SNX4: variants seen among roughly 807,000 people sequenced by gnomAD.
The protein encoded by SNX4 is sorting nexin-4.
In SNX4, 49 loss-of-function variants were observed where a neutral mutation model predicts 70.8. The ratio of observed to expected loss-of-function variants is 0.69; its 90% CI spans 0.55 to 0.88. The LOEUF (loss-of-function observed/expected upper bound fraction) is 0.88, where lower values mean the gene tolerates loss of function less well. Ranked by LOEUF, SNX4 falls within the 40% of genes least tolerant of loss-of-function variation. The pLI is 0.00. For missense variants in SNX4, 528 were observed against 544.8 expected, an observed-to-expected ratio of 0.97 and a Z score of 0.31; for synonymous variants, 206 against 183.8, an observed-to-expected ratio of 1.12 and a Z score of -0.98.
At chr3:125,501,896 G>A (rs928411718) in intron 2 of SNX4, among the ~76,000 whole-genome samples, 4 of 152,086 alleles carry the variant, frequency 2.6e-5, no homozygotes, top group African/African-American at 4.8e-5. Flanking sequence ...ACTGATGTAT[G>A]GTCACTTCTA....
At chr3:125,503,775 A>C (rs1299339239) in intron 2 of SNX4, among the ~76,000 whole-genome samples, 1 of 152,196 alleles carries the variant, frequency 6.6e-6, no homozygotes, top group Admixed American at 6.5e-5. Flanking sequence ...TATTTGATAC[A>C]TGTTATTTAT....
intron 12 of SNX4, among the ~76,000 whole-genome samples, chr3:125,452,995 C>A (rs1394961974): frequency 6.6e-6 from 1 of 152,080 alleles, no homozygotes; most frequent in East Asian, 1.9e-4. Context: ...ACCTCAAAAC[C>A]CAAAATACAC....
intron 5 of SNX4, among the ~76,000 whole-genome samples, chr3:125,494,669 G>A (rs983540644): frequency 6.6e-5 from 10 of 152,118 alleles, no homozygotes; most frequent in Admixed American, 3.9e-4. Flanking sequence ...TGGGATGTAC[G>A]TCTGGGATGA....
At chr3:125,513,030 A>AC (rs1935201941) in intron 1 of SNX4, among the ~76,000 whole-genome samples, 1 of 152,198 alleles carries the variant, frequency 6.6e-6, no homozygotes, top group South Asian at 2.1e-4. Flanking sequence ...CATGTGGAAA[A>AC]CAGAGATAAT....
intron 12 of SNX4, among the ~76,000 whole-genome samples, chr3:125,453,238 T>G (rs1338254935): frequency 6.6e-6 from 1 of 152,154 alleles, no homozygotes; most frequent in African/African-American, 2.4e-5. Flanking sequence ...ATCAATCATC[T>G]AATACAAAAC....
chr3:125,504,831 T>A, intron 1 of SNX4, 87 bp from the exon 2 acceptor site: 6 of 1,389,168 alleles, frequency 4.3e-6, no homozygotes, highest in Non-Finnish European at 5.8e-6. Context: ...ATTAAACCCA[T>A]TATTGGGTTT....
At chr3:125,507,669 C>T (rs1489067927) in intron 1 of SNX4, among the ~76,000 whole-genome samples, 6 of 152,168 alleles carry the variant, frequency 3.9e-5, no homozygotes, top group African/African-American at 1.4e-4. Flanking sequence ...AGGTTATCAG[C>T]AAATTTCTCA....
At chr3:125,486,246 A>T (rs1255512871) in intron 6 of SNX4, among the ~76,000 whole-genome samples, 1 of 152,208 alleles carries the variant, frequency 6.6e-6, no homozygotes, top group Non-Finnish European at 1.5e-5. Flanking sequence ...TAACAAAATG[A>T]TATAACCTGA....
At chr3:125,472,319 C>T (rs1934195735) in intron 8 of SNX4, among the ~76,000 whole-genome samples, 1 of 151,934 alleles carries the variant, frequency 6.6e-6, no homozygotes, top group Admixed American at 6.6e-5. Context: ...TTTCATTACT[C>T]TTATAGGTCA....
At chr3:125,486,764 A>T (rs555120320) in intron 6 of SNX4, among the ~76,000 whole-genome samples, 248 of 152,304 alleles carry the variant, frequency 1.6e-3, no homozygotes, top group Non-Finnish European at 3.0e-3. Context: ...TTTAAGAAAA[A>T]TATACAAGCC....
At chr3:125,492,402 G>A (rs1331531400) in intron 5 of SNX4, among the ~76,000 whole-genome samples, 2 of 151,850 alleles carry the variant, frequency 1.3e-5, no homozygotes, top group Non-Finnish European at 2.9e-5. Context: ...GGAGAGTCCT[G>A]GTTTATAACT....
chr3:125,447,494 C>T lies in SNX4; in HGVS notation c.*285G>A, dbSNP rs1933452009. 1 of 256,596 alleles carries T rather than the reference C, an allele frequency of 3.9e-6. No homozygotes were observed. The highest frequency in any genetic ancestry group is 2.2e-5 in the African/African-American group (1 of 44,830). 15.9% of individuals were successfully genotyped at this position (256,596 alleles called of 1,614,324 possible). On this transcript the variant is annotated 3_prime_UTR_variant, in exon 14 of 14. Coordinates refer to ENST00000251775, the MANE Select transcript of SNX4 (RefSeq NM_003794.4). ...AGAAATTAACGAACATCTTGACATTCAGTCATTGGTTCAGAAGCGTGACAA... is the reference window on the plus strand; with the variant it reads ...AGAAATTAACGAACATCTTGACATTTAGTCATTGGTTCAGAAGCGTGACAA...
At chr3:125,490,022 G>A (rs1203133582) in intron 5 of SNX4, among the ~76,000 whole-genome samples, 1 of 151,546 alleles carries the variant, frequency 6.6e-6, no homozygotes, top group African/African-American at 2.4e-5. Flanking sequence ...CCAGCTACTC[G>A]GGAGTCTGAG....
chr3:125,484,391 A>G (rs1238509463), intron 6 of SNX4, among the ~76,000 whole-genome samples: 2 of 152,094 alleles, frequency 1.3e-5, no homozygotes, highest in African/African-American at 4.8e-5. Flanking sequence ...AGTATCTGGG[A>G]TTACAGGTAT....
At chr3:125,450,646 A>C (rs1043843326) in intron 13 of SNX4, among the ~76,000 whole-genome samples, 3 of 152,218 alleles carry the variant, frequency 2.0e-5, no homozygotes, top group Admixed American at 1.3e-4. Flanking sequence ...TTTTGTTCTT[A>C]AACCAACGTT....
chr3:125,504,272 G>A (rs1247151564), intron 2 of SNX4, among the ~76,000 whole-genome samples: 1 of 150,728 alleles, frequency 6.6e-6, no homozygotes, highest in African/African-American at 2.5e-5. Context: ...GACAGAGATT[G>A]CAGTGAGCCA....
At chr3:125,460,902 C>A (rs1430685683) in intron 9 of SNX4, 42 bp from the exon 10 acceptor site, 2 of 976,544 alleles carry the variant, frequency 2.0e-6, no homozygotes, top group South Asian at 1.7e-5. Context: ...GAGTTACTTT[C>A]ATTGGAATAC....
At chr3:125,486,496 G>C (rs1934537001) in intron 6 of SNX4, among the ~76,000 whole-genome samples, 1 of 151,970 alleles carries the variant, frequency 6.6e-6, no homozygotes, top group Non-Finnish European at 1.5e-5. Flanking sequence ...CGTGGTGGCG[G>C]GTGCCTATAG....
chr3:125,459,277 C>A (rs948087448), intron 10 of SNX4, among the ~76,000 whole-genome samples: 6 of 152,314 alleles, frequency 3.9e-5, no homozygotes, highest in African/African-American at 1.2e-4. Context: ...AGTATATAAT[C>A]TTTCAGAATT....
Sources: gnomAD v4.1 joint callset for allele counts (sites outside exome capture counted in the v4.1 genomes callset) on GRCh38, gnomAD v4.1.1 for gene constraint, MANE v1.5 for transcripts, NCBI Gene and HGNC (gene_info 2026-07-23, HGNC 2026-07-21) for gene names.